The following SLC25A21 variants were observed in gnomAD, a reference collection of about 807,000 sequenced individuals.
SLC25A21 encodes mitochondrial 2-oxodicarboxylate carrier.
A neutral mutation model predicts 43.8 loss-of-function variants in SLC25A21; 47 were observed. That is an observed-to-expected ratio of 1.07 (90% CI 0.85 to 1.37). The LOEUF (loss-of-function observed/expected upper bound fraction) is 1.37. Among genes scored for constraint, SLC25A21 ranks in the 40% most tolerant of loss-of-function variants. The probability of loss-of-function intolerance (pLI) is 0.00; values close to 1 mark genes in which losing one functional copy is unlikely to be tolerated. For synonymous variants in SLC25A21, 131 were observed against 121.3 expected (o/e 1.08, Z -0.52); for missense variants, 352 against 350.2 (o/e 1.00, Z -0.04).
chr14:36,892,398 C>T (rs58797745), intron 1 of SLC25A21, among the ~76,000 whole-genome samples: 22,721 of 151,800 alleles, frequency 0.15, 2,416 homozygotes, highest in East Asian at 0.36. Flanking sequence ...AGTAGATGAA[C>T]GGATACAGGA....
In SLC25A21 at chr14:36,801,542, T is replaced by C. The variant is rs371099419; in HGVS notation, c.203+12376A>G. On this transcript the variant is annotated intron_variant, in intron 3 of 9. Coordinates refer to ENST00000331299, the MANE Select transcript of SLC25A21 (RefSeq NM_030631.4). Reference sequence around the variant, plus strand: ...CTACGCTTCCTTCCCTCAGGTCTTGTAGCCTCTCATCAGTTCTGCCGTAGC... The same window carrying C: ...CTACGCTTCCTTCCCTCAGGTCTTGCAGCCTCTCATCAGTTCTGCCGTAGC... 3.5e-4 allele frequency among the ~76,000 whole-genome samples: 53 copies of C among 152,330 alleles called. No individual in the cohort carries two copies. The South Asian group carries it at 0.01, about 29-fold the overall frequency.
At chr14:36,830,850 G>C (rs557323998) in intron 2 of SLC25A21, among the ~76,000 whole-genome samples, 1 of 152,066 alleles carries the variant, frequency 6.6e-6, no homozygotes, top group African/African-American at 2.4e-5. Flanking sequence ...AAGTGGCAGA[G>C]GGTTATCTGT....
intron 2 of SLC25A21, among the ~76,000 whole-genome samples, chr14:36,849,685 T>G (rs935224108): frequency 6.6e-6 from 1 of 152,162 alleles, no homozygotes; most frequent in African/African-American, 2.4e-5. Context: ...AGCTTGAAGC[T>G]GTGCCAATAT....
intron 1 of SLC25A21, among the ~76,000 whole-genome samples, chr14:36,924,427 C>T (rs1438928282): frequency 1.3e-5 from 2 of 150,876 alleles, no homozygotes; most frequent in African/African-American, 4.9e-5. Context: ...ATCTCAAGGA[C>T]AAAAAACCAA....
intron 2 of SLC25A21, among the ~76,000 whole-genome samples, chr14:36,815,968 T>C (rs1888440869): frequency 6.6e-6 from 1 of 152,222 alleles, no homozygotes; most frequent in Non-Finnish European, 1.5e-5. Flanking sequence ...GGCTTGATGA[T>C]ATGAACGCAA....
chr14:36,719,437 A>T (rs750954338), intron 6 of SLC25A21, among the ~76,000 whole-genome samples: 17 of 152,178 alleles, frequency 1.1e-4, no homozygotes, highest in Non-Finnish European at 2.2e-4. Flanking sequence ...GATGGGGGGA[A>T]ATTTGGGTCT....
chr14:36,703,270 A>T (rs1265342685), intron 7 of SLC25A21, among the ~76,000 whole-genome samples: 1 of 152,182 alleles, frequency 6.6e-6, no homozygotes, highest in East Asian at 1.9e-4. Context: ...TGCATTTTTC[A>T]TTCAGCTCAG....
chr14:36,951,229 C>A, intron 1 of SLC25A21, among the ~76,000 whole-genome samples: 2 of 93,072 alleles, frequency 2.1e-5, no homozygotes. Flanking sequence ...TTCTCTACTG[C>A]CATTACAAAA....
intron 1 of SLC25A21, among the ~76,000 whole-genome samples, chr14:36,881,852 G>C (rs1200316492): frequency 2.0e-5 from 3 of 152,162 alleles, no homozygotes; most frequent in Non-Finnish European, 4.4e-5. Context: ...GACAAGCCGG[G>C]TGACCCAAAG....
intron 7 of SLC25A21, among the ~76,000 whole-genome samples, chr14:36,699,376 G>A (rs1029239804): frequency 6.6e-5 from 10 of 152,172 alleles, no homozygotes; most frequent in Admixed American, 1.3e-4. Context: ...CTTCTGGGAG[G>A]TGTCTCCCAG....
At chr14:37,090,248 G>A (rs1398832238) in intron 1 of SLC25A21, among the ~76,000 whole-genome samples, 2 of 152,206 alleles carry the variant, frequency 1.3e-5, no homozygotes, top group Non-Finnish European at 2.9e-5. Flanking sequence ...TCAACTCCTG[G>A]ATTGTAATGA....
At chr14:36,737,127 A>G (rs1885074837) in intron 3 of SLC25A21, among the ~76,000 whole-genome samples, 1 of 152,170 alleles carries the variant, frequency 6.6e-6, no homozygotes, top group Non-Finnish European at 1.5e-5. Context: ...TCTGAGAAAA[A>G]GAACAAGAAG....
intron 1 of SLC25A21, among the ~76,000 whole-genome samples, chr14:37,127,600 A>G (rs1963319829): frequency 2.0e-5 from 3 of 152,214 alleles, no homozygotes; most frequent in South Asian, 2.1e-4. Context: ...TAGGTTTCCA[A>G]TTGTTCTTTC....
chr14:37,112,296 C>G (rs1963034017), intron 1 of SLC25A21, among the ~76,000 whole-genome samples: 1 of 151,956 alleles, frequency 6.6e-6, no homozygotes, highest in African/African-American at 2.4e-5. Flanking sequence ...AGAACACTAG[C>G]TATTTACATT....
chr14:36,744,146 T>C (rs1885393735), intron 3 of SLC25A21, among the ~76,000 whole-genome samples: 1 of 152,114 alleles, frequency 6.6e-6, no homozygotes, highest in African/African-American at 2.4e-5. Flanking sequence ...GCAATTTCTA[T>C]CAAATTACCA....
chr14:37,151,323 G>C (rs902662401), intron 1 of SLC25A21, among the ~76,000 whole-genome samples: 4 of 152,174 alleles, frequency 2.6e-5, no homozygotes, highest in Admixed American at 2.6e-4. Flanking sequence ...ATACGTGAGG[G>C]TGGAGGCTTG....
At chr14:37,106,835 C>A (rs1320385300) in intron 1 of SLC25A21, among the ~76,000 whole-genome samples, 1 of 152,186 alleles carries the variant, frequency 6.6e-6, no homozygotes, top group Non-Finnish European at 1.5e-5. Context: ...GGCAGCCCAG[C>A]TGTAAAATTC....
chr14:37,010,544 G>C (rs1282313178), intron 1 of SLC25A21, among the ~76,000 whole-genome samples: 3 of 152,202 alleles, frequency 2.0e-5, no homozygotes, highest in African/African-American at 4.8e-5. Context: ...AAGGACATGA[G>C]CCTGAAGGAG....
chr14:36,706,495 C>CA (rs1330042531), intron 7 of SLC25A21, among the ~76,000 whole-genome samples: 1 of 152,132 alleles, frequency 6.6e-6, no homozygotes. Flanking sequence ...TCACAAGCCA[C>CA]AGGACCCACA....
Sources: allele counts gnomAD v4.1 joint callset (sites outside exome capture counted in the v4.1 genomes callset), GRCh38; gene constraint gnomAD v4.1.1; transcripts MANE v1.5; gene names NCBI Gene and HGNC (gene_info 2026-07-23, HGNC 2026-07-21).